ZDHHC20: variants seen among roughly 807,000 people sequenced by gnomAD.
ZDHHC20 encodes the protein zDHHC palmitoyltransferase 20.
Under a neutral mutation model 57.8 loss-of-function variants are expected in ZDHHC20, and 43 were observed. The observed-to-expected ratio is 0.74, with a 90% confidence interval of 0.58 to 0.96. The LOEUF (loss-of-function observed/expected upper bound fraction) is 0.96, where lower values mean the gene tolerates loss of function less well. Among genes scored for constraint, ZDHHC20 ranks in the 40% least tolerant of loss-of-function variants. The pLI, the probability that ZDHHC20 is intolerant of heterozygous loss-of-function variation, is 0.00. For synonymous variants in ZDHHC20, 157 were observed against 153.0 expected (o/e 1.03, Z -0.19); for missense variants, 391 against 441.1 (o/e 0.89, Z 1.02).
chr13:21,405,755 C>T (rs1233030774), intron 4 of ZDHHC20, among the ~76,000 whole-genome samples: 1 of 152,100 alleles, frequency 6.6e-6, no homozygotes, highest in African/African-American at 2.4e-5. Context: ...TAGTATTTGT[C>T]TAATGATGGA....
chr13:21,422,262 GAA>G (rs1156570400), intron 2 of ZDHHC20, among the ~76,000 whole-genome samples: 6 of 138,202 alleles, frequency 4.3e-5, no homozygotes, highest in African/African-American at 8.0e-5. Context: ...GGTCTGCGCT[GAA>G]AAAAAAAAAA....
At chr13:21,458,409 C>G (rs1468716686) in intron 1 of ZDHHC20, among the ~76,000 whole-genome samples, 2 of 152,182 alleles carry the variant, frequency 1.3e-5, no homozygotes. Flanking sequence ...CCCACCCATT[C>G]TTTCTGTCTT....
At chr13:21,378,764 A>T in intron 11 of ZDHHC20, 26 bp from the exon 12 acceptor site, 1 of 1,090,144 alleles carries the variant, frequency 9.2e-7, no homozygotes, top group South Asian at 2.5e-5. Flanking sequence ...TATATATGAC[A>T]TGACAAAAAA....
At position 21,381,038 on chromosome 13, in the gene ZDHHC20, G is replaced by A. The variant is rs144391615; in HGVS notation, c.1060+396C>T. ...TTATTATTTTTTGAGATGGAGTCTC[G>A]CTCTGTCACCCAGGCTGGAGTGCAG... On this transcript the variant is annotated intron_variant, in intron 11 of 12. Coordinates refer to ENST00000400590, the MANE Select transcript of ZDHHC20 (RefSeq NM_001330059.2). Among the ~76,000 whole-genome samples the A allele has an allele frequency of 6.8e-3, 1,019 of 150,812 alleles. 15 individuals are homozygous for A. The highest frequency in any genetic ancestry group is 0.023 in the African/African-American group (943 of 41,176).
At position 21,423,618 on chromosome 13, in the gene ZDHHC20, G is replaced by A. The variant is rs377708992; in HGVS notation, c.145+2034C>T. On this transcript the variant is annotated intron_variant, in intron 2 of 12. Coordinates refer to ENST00000400590, the MANE Select transcript of ZDHHC20 (RefSeq NM_001330059.2). ...AAACCTGGGAGGCAAATGTTGCAGT[G>A]AGCCGAGATCGTGCCACTGCACTCT... Among the ~76,000 whole-genome samples the A allele has an allele frequency of 1.8e-4, 28 of 151,770 alleles. No homozygotes were observed. The East Asian group carries it at 5.2e-3, about 28-fold the overall frequency.
chr13:21,384,355 G>T (rs907849764), intron 9 of ZDHHC20, among the ~76,000 whole-genome samples: 1 of 150,354 alleles, frequency 6.7e-6, no homozygotes, highest in Admixed American at 6.7e-5. Flanking sequence ...CATACGAATC[G>T]CTTGAACCCG....
At chr13:21,449,788 G>A (rs1884268692) in intron 1 of ZDHHC20, among the ~76,000 whole-genome samples, 2 of 151,918 alleles carry the variant, frequency 1.3e-5, no homozygotes, top group Non-Finnish European at 2.9e-5. Context: ...GGGATTACAG[G>A]TGTGTGCTAA....
chr13:21,454,943 CAG>C (rs1028677523), intron 1 of ZDHHC20, among the ~76,000 whole-genome samples: 13 of 151,914 alleles, frequency 8.6e-5, no homozygotes, highest in African/African-American at 2.4e-4. Context: ...GTTTTTGAGA[CAG>C]AGTCTCGCTC....
At chr13:21,424,584 G>A (rs1469508045) in intron 2 of ZDHHC20, among the ~76,000 whole-genome samples, 3 of 151,968 alleles carry the variant, frequency 2.0e-5, no homozygotes, top group Non-Finnish European at 2.9e-5. Flanking sequence ...GGTGGCAGGT[G>A]CCTGTAGTCC....
chr13:21,452,723 T>C (rs76487755), intron 1 of ZDHHC20, among the ~76,000 whole-genome samples: 3 of 152,298 alleles, frequency 2.0e-5, no homozygotes, highest in African/African-American at 7.2e-5. Flanking sequence ...AGGTATTATA[T>C]ATGAAACAGT....
chr13:21,406,337 A>G (rs550579160), intron 4 of ZDHHC20, among the ~76,000 whole-genome samples: 2 of 152,130 alleles, frequency 1.3e-5, no homozygotes, highest in South Asian at 4.2e-4. Flanking sequence ...CTGCACATCT[A>G]ATTGACTCTA....
Position 21,372,756 on chromosome 13 carries a change from T to C in ZDHHC20, c.*3940A>G, listed in dbSNP as rs1189464066. 1 of 152,190 alleles carries C rather than the reference T, an allele frequency of 6.6e-6. No individual in the cohort carries two copies. The highest frequency in any genetic ancestry group is 1.5e-5 in the Non-Finnish European group (1 of 68,012). The allele number at this position is 152,190 out of a possible 1,614,324, so 9.4% of individuals were successfully genotyped here. Reference sequence around the variant, plus strand: ...ACAAACACAAGGCTTATGGTACTTGTTAGGTAAACACAACCAAACTAAACT... The same window carrying C: ...ACAAACACAAGGCTTATGGTACTTGCTAGGTAAACACAACCAAACTAAACT... On this transcript the variant is annotated 3_prime_UTR_variant, in exon 13 of 13. Coordinates refer to ENST00000400590, the MANE Select transcript of ZDHHC20 (RefSeq NM_001330059.2).
chr13:21,415,135 A>G (rs1472963561), intron 3 of ZDHHC20, among the ~76,000 whole-genome samples: 1 of 152,156 alleles, frequency 6.6e-6, no homozygotes, highest in Non-Finnish European at 1.5e-5. Flanking sequence ...GCTATAAACA[A>G]GGCAATAGCT....
At chr13:21,401,708 A>C (rs1877659872) in intron 5 of ZDHHC20, 23 bp from the exon 6 acceptor site, 1 of 1,487,848 alleles carries the variant, frequency 6.7e-7, no homozygotes, top group African/African-American at 1.4e-5. Flanking sequence ...CAAGCATAAG[A>C]AAATCCATGC....
intron 1 of ZDHHC20, among the ~76,000 whole-genome samples, chr13:21,444,209 TC>T (rs1883457674): frequency 2.6e-5 from 4 of 152,144 alleles, no homozygotes; most frequent in Admixed American, 2.6e-4. Context: ...CAGGAATACC[TC>T]ACCTCCCTGG....
At chr13:21,390,324 ACTT>A (rs1875445325) in intron 8 of ZDHHC20, 5 of 152,206 alleles carry the variant, frequency 3.3e-5, no homozygotes. Flanking sequence ...ACATAGCAGT[ACTT>A]CTTACATGTC....
At chr13:21,443,860 T>C (rs1272376528) in intron 1 of ZDHHC20, among the ~76,000 whole-genome samples, 1 of 152,202 alleles carries the variant, frequency 6.6e-6, no homozygotes, top group Non-Finnish European at 1.5e-5. Flanking sequence ...ATCTTATGAT[T>C]AGTCTGTGTT....
chr13:21,410,875 T>C (rs1879113726), intron 4 of ZDHHC20, among the ~76,000 whole-genome samples: 1 of 152,156 alleles, frequency 6.6e-6, no homozygotes, highest in African/African-American at 2.4e-5. Context: ...GGAACAGTTC[T>C]GTCTTGCTGG....
intron 4 of ZDHHC20, among the ~76,000 whole-genome samples, chr13:21,411,661 A>C (rs976556130): frequency 1.4e-4 from 21 of 152,226 alleles, no homozygotes; most frequent in African/African-American, 5.1e-4. Flanking sequence ...TAAGAAAAGG[A>C]GGCTTGATGA....
Sources: gnomAD v4.1 joint callset for allele counts (sites outside exome capture counted in the v4.1 genomes callset) on GRCh38, gnomAD v4.1.1 for gene constraint, MANE v1.5 for transcripts, NCBI Gene and HGNC (gene_info 2026-07-23, HGNC 2026-07-21) for gene names.